The following FCHO2 variants were observed in gnomAD, a reference collection of about 807,000 sequenced individuals.
FCHO2 encodes FCH and mu domain containing endocytic adaptor 2, also known as F-BAR domain only protein 2.
A neutral mutation model predicts 114.1 loss-of-function variants in FCHO2; 43 were observed. That is an observed-to-expected ratio of 0.38 (90% CI 0.30 to 0.49). FCHO2 has a LOEUF of 0.49. FCHO2 is among the 20% of genes least tolerant of loss of function. FCHO2 has a pLI of 0.97. For missense variants in FCHO2, 807 were observed against 950.4 expected (o/e 0.85, Z 1.98); for synonymous variants, 293 against 315.2 (o/e 0.93, Z 0.75).
chr5:73,026,618 T>G (rs1299101889), intron 8 of FCHO2, among the ~76,000 whole-genome samples: 1 of 152,178 alleles, frequency 6.6e-6, no homozygotes, highest in Non-Finnish European at 1.5e-5. Flanking sequence ...GCATTACAAA[T>G]TTTTTTCTAA....
At chr5:72,968,161 T>G (rs1752308723) in intron 1 of FCHO2, among the ~76,000 whole-genome samples, 1 of 152,034 alleles carries the variant, frequency 6.6e-6, no homozygotes, top group East Asian at 1.9e-4. Flanking sequence ...CCTGACCTCG[T>G]GATCCGCCCA....
At chr5:73,012,194 A>G (rs1755052859) in intron 6 of FCHO2, among the ~76,000 whole-genome samples, 1 of 152,208 alleles carries the variant, frequency 6.6e-6, no homozygotes, top group Admixed American at 6.5e-5. Context: ...GCGTTGCACT[A>G]CGTTATGGCA....
At chr5:73,063,991 G>A (rs1757957034) in intron 18 of FCHO2, 47 bp downstream of exon 18, 1 of 1,481,864 alleles carries the variant, frequency 6.7e-7, no homozygotes, top group Non-Finnish European at 9.2e-7. Context: ...TTTGATTTAA[G>A]ATGCAAATGC....
chr5:72,974,842 T>C (rs984711099), intron 2 of FCHO2, among the ~76,000 whole-genome samples: 16 of 152,198 alleles, frequency 1.1e-4, no homozygotes, highest in Non-Finnish European at 1.9e-4. Context: ...CGGCTGGTAC[T>C]GGTTGTTCCT....
At chr5:73,022,033 T>C (rs73098089) in intron 8 of FCHO2, among the ~76,000 whole-genome samples, 359 of 152,334 alleles carry the variant, frequency 2.4e-3, no homozygotes, top group African/African-American at 8.2e-3. Flanking sequence ...AGCTAGTACA[T>C]GGCAGAAATG....
chr5:73,085,360 G>A (rs961433534), intron 24 of FCHO2, among the ~76,000 whole-genome samples: 3 of 152,040 alleles, frequency 2.0e-5, no homozygotes, highest in Admixed American at 6.6e-5. Flanking sequence ...AAAAAAATGA[G>A]ATACAAATTT....
At chr5:72,957,221 A>G (rs926125017) in intron 1 of FCHO2, among the ~76,000 whole-genome samples, 1 of 149,188 alleles carries the variant, frequency 6.7e-6, no homozygotes, top group Non-Finnish European at 1.5e-5. Context: ...AAACAGCTTT[A>G]TTGAGTTCAC....
At chr5:73,024,944 G>T (rs1443656207) in intron 8 of FCHO2, among the ~76,000 whole-genome samples, 1 of 152,046 alleles carries the variant, frequency 6.6e-6, no homozygotes, top group African/African-American at 2.4e-5. Context: ...TAAGATATAC[G>T]AAGTCATGTA....
intron 6 of FCHO2, among the ~76,000 whole-genome samples, chr5:73,012,306 G>A (rs2112730796): frequency 6.6e-6 from 1 of 152,190 alleles, no homozygotes; most frequent in South Asian, 2.1e-4. Flanking sequence ...GTCATTATGT[G>A]GCTCATGACT....
intron 10 of FCHO2, among the ~76,000 whole-genome samples, chr5:73,038,624 G>A (rs1347436441): frequency 2.0e-5 from 3 of 152,078 alleles, no homozygotes; most frequent in African/African-American, 7.2e-5. Context: ...TTTCTACCTA[G>A]TTATATTTCT....
chr5:73,065,208 T>C (rs1211039410), intron 18 of FCHO2, among the ~76,000 whole-genome samples: 2 of 152,074 alleles, frequency 1.3e-5, no homozygotes, highest in Non-Finnish European at 2.9e-5. Flanking sequence ...TTAAGTAATA[T>C]AGAAATTACT....
intron 10 of FCHO2, among the ~76,000 whole-genome samples, chr5:73,039,753 C>A (rs1181057113): frequency 1.3e-5 from 2 of 151,646 alleles, no homozygotes; most frequent in Non-Finnish European, 2.9e-5. Flanking sequence ...CATTGTGAAA[C>A]CCTATCTCTA....
At chr5:73,086,643 G>A (rs999742421) in intron 24 of FCHO2, among the ~76,000 whole-genome samples, 3 of 151,956 alleles carry the variant, frequency 2.0e-5, no homozygotes, top group Non-Finnish European at 2.9e-5. Context: ...AAACTGTTTT[G>A]ACTTGCAGTT....
chr5:72,990,658 A>G (rs573661163), intron 4 of FCHO2, 39 bp downstream of exon 4: 11 of 1,531,188 alleles, frequency 7.2e-6, no homozygotes, highest in Non-Finnish European at 9.6e-6. Context: ...GATTGGTCAG[A>G]TATTGAATAC....
chr5:73,077,601 A>G, intron 21 of FCHO2, 108 bp downstream of exon 21: 3 of 1,212,978 alleles, frequency 2.5e-6, no homozygotes, highest in Non-Finnish European at 3.3e-6. Flanking sequence ...AGGCTGAGGC[A>G]GGTGGATTGC....
chr5:73,061,355 T>G (rs565046301), intron 17 of FCHO2, among the ~76,000 whole-genome samples: 1 of 152,134 alleles, frequency 6.6e-6, no homozygotes, highest in Non-Finnish European at 1.5e-5. Flanking sequence ...TCTTCTTCCG[T>G]GTATTGTTAT....
chr5:73,087,851 T>C (rs1247943658), intron 25 of FCHO2, 98 bp downstream of exon 25: 6 of 1,491,044 alleles, frequency 4.0e-6, no homozygotes, highest in Non-Finnish European at 5.4e-6. Context: ...TCTAAAGACA[T>C]GGAAATTTTT....
At chr5:72,970,947 G>A (rs368144587) in intron 2 of FCHO2, among the ~76,000 whole-genome samples, 3 of 151,870 alleles carry the variant, frequency 2.0e-5, no homozygotes, top group South Asian at 2.1e-4. Flanking sequence ...GAGAATATGC[G>A]GTGTTTGGTT....
At chr5:73,005,090 C>A (rs1298665909) in intron 5 of FCHO2, among the ~76,000 whole-genome samples, 1 of 152,006 alleles carries the variant, frequency 6.6e-6, no homozygotes, top group African/African-American at 2.4e-5. Flanking sequence ...AAAGTGGCAT[C>A]CTATATTCTT....
Sources: gnomAD v4.1 joint callset for allele counts (sites outside exome capture counted in the v4.1 genomes callset) on GRCh38, gnomAD v4.1.1 for gene constraint, MANE v1.5 for transcripts, NCBI Gene and HGNC (gene_info 2026-07-23, HGNC 2026-07-21) for gene names.